The following CYRIA variants were observed in gnomAD, a reference collection of about 807,000 sequenced individuals.
CYRIA encodes the protein CYFIP related Rac1 interactor A, also known as CYFIP-related Rac1 interactor A.
CYRIA carries 15 observed loss-of-function variants against 43.9 expected under a neutral mutation model. The observed-to-expected ratio is 0.34, with a 90% CI of 0.23 to 0.53. The LOEUF is 0.53. CYRIA is among the 20% of genes least tolerant of loss of function. CYRIA has a pLI of 0.94. For missense variants in CYRIA, 236 were observed against 394.2 expected (o/e 0.60, Z 3.40); for synonymous variants, 117 against 136.0 (o/e 0.86, Z 0.97).
At chr2:16,555,955 G>T (rs1360072869) in intron 10 of CYRIA, among the ~76,000 whole-genome samples, 5 of 152,056 alleles carry the variant, frequency 3.3e-5, no homozygotes, top group African/African-American at 1.2e-4. Flanking sequence ...TTAGCTTTTT[G>T]TGTCTGTATA....
At chr2:16,623,316 A>T (rs781242449) in intron 2 of CYRIA, among the ~76,000 whole-genome samples, 1 of 152,172 alleles carries the variant, frequency 6.6e-6, no homozygotes. Context: ...GACTGGGAGG[A>T]GGGGAGAGAG....
At chr2:16,563,442 T>C (rs1666822476) in intron 5 of CYRIA, among the ~76,000 whole-genome samples, 1 of 152,180 alleles carries the variant, frequency 6.6e-6, no homozygotes, top group Non-Finnish European at 1.5e-5. Context: ...TATTAACCAA[T>C]GAAGCATCCT....
intron 3 of CYRIA, among the ~76,000 whole-genome samples, chr2:16,571,923 TA>T (rs1361292768): frequency 1.3e-5 from 2 of 152,200 alleles, no homozygotes; most frequent in African/African-American, 4.8e-5. Context: ...GAAAACAGAA[TA>T]AAATGGAAAA....
At position 16,658,115 on chromosome 2, in the gene CYRIA, C is replaced by A. The variant is rs535281417; in HGVS notation, c.-167+7665G>T. On this transcript the variant is annotated intron_variant, in intron 1 of 11. Transcript: ENST00000381323. ...GGAGATTGATCATATAGTGCATGTA[C>A]AGTGCTTGATGCTGATGAGAATCAT... 1.2e-4 allele frequency among the ~76,000 whole-genome samples: 18 copies of A among 152,218 alleles called. No homozygotes were observed. In the South Asian group the frequency reaches 3.7e-3, roughly 32 times the overall value.
At chr2:16,643,113 G>A (rs1036681729) in intron 1 of CYRIA, among the ~76,000 whole-genome samples, 17 of 151,290 alleles carry the variant, frequency 1.1e-4, no homozygotes, top group African/African-American at 3.9e-4. Flanking sequence ...TATTATTATT[G>A]TTACTTTAAC....
rs571353899 is a variant in CYRIA, at chr2:16,604,005, G to A, written c.-10-15876C>T. Reference sequence around the variant, plus strand: ...TTGAAATCCTGAAGTCTAGGAACACGCACCTGGGCTATGCCTTGTGTGGGG... The same window carrying A: ...TTGAAATCCTGAAGTCTAGGAACACACACCTGGGCTATGCCTTGTGTGGGG... On this transcript the variant is annotated intron_variant, in intron 2 of 11. Coordinates refer to ENST00000381323, the MANE Select transcript of CYRIA (RefSeq NM_030797.4). Among the ~76,000 whole-genome samples the A allele has an allele frequency of 1.5e-3, 234 of 152,304 alleles. 1 individual carries two copies. Among genetic ancestry groups the A allele is most frequent in the African/African-American group, 5.5e-3 (229 of 41,566 alleles).
At chr2:16,665,680 C>T (rs1670372755) in intron 1 of CYRIA, 100 bp downstream of exon 1, 1 of 150,744 alleles carries the variant, frequency 6.6e-6, no homozygotes, top group Non-Finnish European at 1.5e-5. Flanking sequence ...AGGCGCCCGC[C>T]CCGCCTCGCG....
intron 6 of CYRIA, 44 bp from the exon 7 acceptor site, chr2:16,561,577 G>T (rs1293042583): frequency 6.9e-7 from 1 of 1,459,784 alleles, no homozygotes; most frequent in Admixed American, 1.7e-5. Flanking sequence ...CTCAGTATCA[G>T]ATGGGGTATA....
chr2:16,559,632 T>C, intron 9 of CYRIA, 46 bp from the exon 10 acceptor site: 1 of 1,595,108 alleles, frequency 6.3e-7, no homozygotes, highest in Non-Finnish European at 8.5e-7. Context: ...TGTCAGAACA[T>C]GTGCGTTCTT....
intron 1 of CYRIA, among the ~76,000 whole-genome samples, chr2:16,655,490 C>T (rs753175867): frequency 6.6e-6 from 1 of 152,204 alleles, no homozygotes; most frequent in African/African-American, 2.4e-5. Context: ...CCTGATCCTC[C>T]GCAGTTTGGT....
chr2:16,648,706 GA>G (rs1669887375), intron 1 of CYRIA, among the ~76,000 whole-genome samples: 1 of 152,160 alleles, frequency 6.6e-6, no homozygotes. Context: ...GAGCAGCTGT[GA>G]TCTCATGAAT....
At position 16,555,141 on chromosome 2, in the gene CYRIA, T is replaced by A; in HGVS notation, c.838-2A>T. The A allele has an allele frequency of 6.2e-7, 1 of 1,611,902 alleles. No homozygotes were observed. On this transcript the variant is annotated splice_acceptor_variant, in intron 10 of 11. Coordinates refer to ENST00000381323, the MANE Select transcript of CYRIA (RefSeq NM_030797.4). LOFTEE classifies it high-confidence loss of function. The stretch of plus-strand genomic sequence containing the variant: ...CAAAACTTTTATGCAGCCTTTCATC[T>A]AGGAGGAGAAAGCACAATGTTTGTT...
chr2:16,600,535 A>G (rs200050522), intron 2 of CYRIA, among the ~76,000 whole-genome samples: 184 of 152,348 alleles, frequency 1.2e-3, no homozygotes, highest in Non-Finnish European at 2.0e-3. Context: ...CATTCTATTT[A>G]GGGAAACAGC....
chr2:16,603,047 A>G (rs1168468498), intron 2 of CYRIA, among the ~76,000 whole-genome samples: 1 of 152,040 alleles, frequency 6.6e-6, no homozygotes, highest in Non-Finnish European at 1.5e-5. Flanking sequence ...CGGCAGAGCC[A>G]TTTTCCTAAT....
At chr2:16,615,956 A>G (rs989128960) in intron 2 of CYRIA, among the ~76,000 whole-genome samples, 1 of 151,728 alleles carries the variant, frequency 6.6e-6, no homozygotes, top group South Asian at 2.1e-4. Flanking sequence ...GACCATCTTC[A>G]CTCCATTCTT....
chr2:16,567,227 A>G (rs1464246637), intron 3 of CYRIA, among the ~76,000 whole-genome samples: 1 of 152,108 alleles, frequency 6.6e-6, no homozygotes, highest in African/African-American at 2.4e-5. Flanking sequence ...AACATGGTGA[A>G]ACCCCGTCTC....
At chr2:16,607,411 C>T (rs527990054) in intron 2 of CYRIA, among the ~76,000 whole-genome samples, 31 of 152,248 alleles carry the variant, frequency 2.0e-4, no homozygotes, top group African/African-American at 6.5e-4. Flanking sequence ...TTAGCATAAA[C>T]GCCTGCTAAG....
At chr2:16,623,194 A>G (rs1018298886) in intron 2 of CYRIA, 1 of 152,250 alleles carries the variant, frequency 6.6e-6, no homozygotes, top group Non-Finnish European at 1.5e-5. Context: ...CGCTTGACCA[A>G]ACTTTAGTCA....
intron 2 of CYRIA, among the ~76,000 whole-genome samples, chr2:16,601,711 CAAA>C (rs57235858): frequency 8.1e-6 from 1 of 123,660 alleles, no homozygotes; most frequent in African/African-American, 2.8e-5. Context: ...TTTCCAGTTT[CAAA>C]AAAAAAAAAA....
Sources: gnomAD v4.1 joint callset for allele counts (sites outside exome capture counted in the v4.1 genomes callset) on GRCh38, gnomAD v4.1.1 for gene constraint, MANE v1.5 for transcripts, NCBI Gene and HGNC (gene_info 2026-07-23, HGNC 2026-07-21) for gene names.